Variants in SMARCA5 observed in about 807,000 individuals in gnomAD.
SMARCA5 encodes the protein SNF2 related chromatin remodeling ATPase 5, also known as SWI/SNF-related matrix-associated actin-dependent regulator of chromatin subfamily A member 5.
In SMARCA5, 18 loss-of-function variants were observed where a neutral mutation model predicts 140.4. The ratio of observed to expected loss-of-function variants is 0.13; its 90% CI spans 0.09 to 0.19. SMARCA5 has a LOEUF of 0.19. Among genes scored for constraint, SMARCA5 ranks in the 10% least tolerant of loss-of-function variants. The pLI is 1.00. For missense variants in SMARCA5, 606 were observed against 1,276.8 expected (o/e 0.47, Z 8.01); for synonymous variants, 449 against 419.6 (o/e 1.07, Z -0.86).
At chr4:143,533,936 C>G (rs1293035752) in intron 9 of SMARCA5, among the ~76,000 whole-genome samples, 1 of 152,062 alleles carries the variant, frequency 6.6e-6, no homozygotes, top group East Asian at 1.9e-4. Flanking sequence ...CATCTCATTA[C>G]CCTTTGCAGT....
chr4:143,542,764 TC>T (rs1374149533), intron 14 of SMARCA5, among the ~76,000 whole-genome samples: 1 of 152,214 alleles, frequency 6.6e-6, no homozygotes, highest in African/African-American at 2.4e-5. Flanking sequence ...TTGTCCAAAC[TC>T]CTGCCAACTG....
At chr4:143,546,214 G>A (rs1429941022) in intron 19 of SMARCA5, among the ~76,000 whole-genome samples, 167 bp downstream of exon 19, 1 of 152,166 alleles carries the variant, frequency 6.6e-6, no homozygotes, top group East Asian at 1.9e-4. Context: ...ATTGTCACTA[G>A]TTGAGGTAGT....
At chr4:143,547,524 TTAGG>T (rs1406947293) in intron 21 of SMARCA5, 21 bp downstream of exon 21, 1 of 1,247,588 alleles carries the variant, frequency 8.0e-7, no homozygotes, top group Non-Finnish European at 1.2e-6. Flanking sequence ...TGTTAATAAG[TTAGG>T]TAGTTAATAA....
At chr4:143,525,689 CA>C in intron 5 of SMARCA5, 138 bp downstream of exon 5, 1 of 585,840 alleles carries the variant, frequency 1.7e-6, no homozygotes, top group Non-Finnish European at 3.1e-6. Flanking sequence ...GCCTTAGTTG[CA>C]TAAGTGTGAT....
At chr4:143,540,281 A>G in intron 13 of SMARCA5, 82 bp from the exon 14 acceptor site, 1 of 1,079,910 alleles carries the variant, frequency 9.3e-7, no homozygotes, top group Non-Finnish European at 1.3e-6. Context: ...GAATATTTTA[A>G]TTTTTTTTCT....
chr4:143,550,902 A>T (rs1737628583), intron 23 of SMARCA5, among the ~76,000 whole-genome samples: 1 of 152,076 alleles, frequency 6.6e-6, no homozygotes, highest in Non-Finnish European at 1.5e-5. Context: ...GAGTGCACAT[A>T]TCTCTTTGAT....
intron 20 of SMARCA5, 115 bp downstream of exon 20, chr4:143,547,023 T>C: frequency 1.1e-6 from 1 of 883,906 alleles, no homozygotes; most frequent in Non-Finnish European, 1.7e-6. Flanking sequence ...GTTAGTACCT[T>C]CTTCATTATT....
rs1056306049 is a variant in SMARCA5, at chr4:143,529,893, C to G, written c.1090-565C>G. ...CTGTTTCTCACTACATTGACACTTT[C>G]ATTTACTTTAAAGCAGTGAATTCTA... On this transcript the variant is annotated intron_variant, in intron 8 of 23. Coordinates refer to ENST00000283131, the MANE Select transcript of SMARCA5 (RefSeq NM_003601.4). 3.3e-5 allele frequency among the ~76,000 whole-genome samples: 5 copies of G among 152,202 alleles called. No individual in the cohort carries two copies. The South Asian group carries it at 1.0e-3, about 32-fold the overall frequency.
At chr4:143,544,972 G>C in intron 17 of SMARCA5, 125 bp downstream of exon 17, 1 of 540,648 alleles carries the variant, frequency 1.8e-6, no homozygotes, top group Non-Finnish European at 3.2e-6. Context: ...TTTTGAGACA[G>C]AGTCTCACTC....
intron 10 of SMARCA5, among the ~76,000 whole-genome samples, chr4:143,535,339 A>C (rs190939408): frequency 2.6e-5 from 4 of 152,280 alleles, no homozygotes; most frequent in Non-Finnish European, 5.9e-5. Flanking sequence ...GCTGCAGAAA[A>C]AGATACTGTT....
intron 22 of SMARCA5, among the ~76,000 whole-genome samples, chr4:143,549,113 A>G (rs1560822519): frequency 6.6e-6 from 1 of 152,088 alleles, no homozygotes; most frequent in East Asian, 1.9e-4. Flanking sequence ...TTTTATAGTG[A>G]TTGTAACAAG....
intron 3 of SMARCA5, among the ~76,000 whole-genome samples, chr4:143,523,291 T>C (rs1737000163): frequency 6.6e-6 from 1 of 152,162 alleles, no homozygotes; most frequent in African/African-American, 2.4e-5. Flanking sequence ...CCTCCTAAAG[T>C]GTTGGGATTA....
In SMARCA5 at chr4:143,547,372, C is replaced by T. The variant is rs762112360; in HGVS notation, c.2654-13C>T. 1 of 1,354,194 alleles carries T rather than the reference C, an allele frequency of 7.4e-7. No individual in the cohort carries two copies. The highest frequency in any genetic ancestry group is 1.9e-5 in the Admixed American group (1 of 53,794). 83.9% of individuals were successfully genotyped at this position (1,354,194 alleles called of 1,614,324 possible). On this transcript the variant is annotated splice_polypyrimidine_tract_variant and intron_variant, in intron 20 of 23. Coordinates refer to ENST00000283131, the MANE Select transcript of SMARCA5 (RefSeq NM_003601.4). ...AATATAAATGATTTGTTTACTTTGTCCAACTTTTACAGCTGTGTTTTGGGA... is the reference window on the plus strand; with the variant it reads ...AATATAAATGATTTGTTTACTTTGTTCAACTTTTACAGCTGTGTTTTGGGA...
In SMARCA5 at chr4:143,544,844, C is replaced by G; in HGVS notation, c.2280C>G (p.Pro760=). 7.8e-6 allele frequency: 12 copies of G among 1,546,486 alleles called. No homozygotes were observed. Among genetic ancestry groups the G allele is most frequent in the Non-Finnish European group, 1.1e-5 (12 of 1,122,898 alleles). ...EALRVSEPKA[P]KAPRPPKQPN... is the part of the protein sequence containing the mutation. ...TTCGTGTTAGTGAACCTAAAGCACC[C>G]AAGGTGAGTTGACTGACACAGCATA... The change falls in exon 17 of 24, where the codon CCC becomes CCG. Residue 760 remains proline, a synonymous_variant. Transcript: ENST00000283131.
At chr4:143,517,462 G>A (rs571646786) in intron 2 of SMARCA5, 33 bp downstream of exon 2, 71 of 1,420,966 alleles carry the variant, frequency 5.0e-5, no homozygotes, top group Admixed American at 6.5e-5. Flanking sequence ...GAGTCTATAA[G>A]GAAAACTTTT....
chr4:143,544,410 C>T (rs890808392), intron 16 of SMARCA5: 3 of 195,124 alleles, frequency 1.5e-5, no homozygotes, highest in Non-Finnish European at 3.1e-5. Context: ...ATATTTAGGT[C>T]TATATCTTCA....
intron 8 of SMARCA5, among the ~76,000 whole-genome samples, chr4:143,529,978 T>TA (rs752103306): frequency 5.3e-5 from 8 of 152,214 alleles, no homozygotes; most frequent in Non-Finnish European, 8.8e-5. Flanking sequence ...GAGATGAGGT[T>TA]AGGGAAACTG....
At chr4:143,525,632 AC>A in intron 5 of SMARCA5, 81 bp downstream of exon 5, 2 of 947,960 alleles carry the variant, frequency 2.1e-6, no homozygotes, top group Non-Finnish European at 3.4e-6. Context: ...CTTACAGTCT[AC>A]AACTGTTAGC....
chr4:143,547,287 T>C, intron 20 of SMARCA5, 98 bp from the exon 21 acceptor site: 1 of 673,144 alleles, frequency 1.5e-6, no homozygotes, highest in South Asian at 1.9e-5. Context: ...TAGCAGAAAT[T>C]TAAGAATTAG....
Sources: allele counts gnomAD v4.1 joint callset (sites outside exome capture counted in the v4.1 genomes callset), GRCh38; gene constraint gnomAD v4.1.1; transcripts MANE v1.5; gene names NCBI Gene and HGNC (gene_info 2026-07-23, HGNC 2026-07-21).